Variants in GAS6 observed in about 807,000 individuals in gnomAD.
GAS6 encodes growth arrest-specific protein 6.
Under a neutral mutation model 75.8 loss-of-function variants are expected in GAS6, and 41 were observed. The observed-to-expected ratio is 0.54, with a 90% CI of 0.42 to 0.70. GAS6 has a LOEUF of 0.70. Among genes scored for constraint, GAS6 ranks in the 30% least tolerant of loss-of-function variants. GAS6 has a pLI of 0.00. For missense variants in GAS6, 854 were observed against 940.2 expected, an observed-to-expected ratio of 0.91 and a Z score of 1.20; for synonymous variants, 432 against 412.6, an observed-to-expected ratio of 1.05 and a Z score of -0.57.
intron 4 of GAS6, chr13:113,842,223 A>G (rs1309082952): frequency 1.3e-5 from 2 of 158,590 alleles, no homozygotes; most frequent in Non-Finnish European, 1.2e-5. Flanking sequence ...AGTACACCCC[A>G]CAGTTTCCTC....
At position 113,863,778 on chromosome 13, in the gene GAS6, G is replaced by A. The variant is rs989732810; in HGVS notation, c.89-37C>T. 2.5e-5 allele frequency: 36 copies of A among 1,428,522 alleles called. No individual in the cohort carries two copies. Among genetic ancestry groups the A allele is most frequent in the Non-Finnish European group, 3.1e-5 (34 of 1,101,938 alleles). The allele number at this position is 1,428,522 out of a possible 1,614,324, so 88.5% of individuals were successfully genotyped here. ...GAGAGAGGGGGACGCGTCAAGCCGC[G>A]CCCGGAGCCTCCTCCCGCCGCCCGG... On this transcript the variant is annotated intron_variant, in intron 1 of 14. Transcript: ENST00000327773. The surrounding 1 kb of genome is among the most constrained non-coding windows in gnomAD (Gnocchi z 9.4).
intron 12 of GAS6, among the ~76,000 whole-genome samples, chr13:113,825,569 G>A (rs1005784633): frequency 2.6e-5 from 4 of 152,248 alleles, no homozygotes; most frequent in Admixed American, 6.5e-5. Context: ...AGACGCGGCC[G>A]GCAGTCACTG....
At position 113,821,955 on chromosome 13, in the gene GAS6, T is replaced by C; in HGVS notation, c.1882+3A>G. ...CGGGTTGAGCGGAGCAGGGAGCACC[T>C]ACCTGGCAGGCCGCCAGCAAAGGTG... On this transcript the variant is annotated splice_donor_region_variant and intron_variant, in intron 14 of 14. Coordinates refer to ENST00000327773, the MANE Select transcript of GAS6 (RefSeq NM_000820.4). 6.5e-7 allele frequency: 1 copy of C among 1,527,194 alleles called. No individual in the cohort carries two copies. The allele number at this position is 1,527,194 out of a possible 1,614,324, so 94.6% of individuals were successfully genotyped here.
chr13:113,833,025 A>T (rs901636408), intron 8 of GAS6: 1 of 1,345,140 alleles, frequency 7.4e-7, no homozygotes, highest in Non-Finnish European at 9.6e-7. Context: ...CTTTATTTTT[A>T]AATTATGAAA....
chr13:113,829,440 C>A (rs1488179108), intron 10 of GAS6, among the ~76,000 whole-genome samples: 1 of 149,528 alleles, frequency 6.7e-6, no homozygotes, highest in Non-Finnish European at 1.5e-5. Context: ...TGATCCTCAC[C>A]TGGGCCAAGA....
intron 2 of GAS6, among the ~76,000 whole-genome samples, chr13:113,858,065 T>G (rs1466963373): frequency 6.6e-6 from 1 of 151,854 alleles, no homozygotes; most frequent in Non-Finnish European, 1.5e-5. Context: ...GCTCTGGGAG[T>G]GGAGAGACCC....
At chr13:113,860,775 G>T (rs1011390550) in intron 2 of GAS6, among the ~76,000 whole-genome samples, 11 of 152,208 alleles carry the variant, frequency 7.2e-5, no homozygotes, top group African/African-American at 9.6e-5. Flanking sequence ...CAGCAGAGAG[G>T]GCTGGGGAGG....
At chr13:113,839,509 A>C (rs2051753246) in intron 5 of GAS6, 2 of 563,590 alleles carry the variant, frequency 3.5e-6, no homozygotes, top group Non-Finnish European at 6.1e-6. Flanking sequence ...CTGAGGCATC[A>C]CTTGGTGTTT....
chr13:113,839,641 C>G (rs185588960), intron 5 of GAS6, 87 bp downstream of exon 5: 1 of 1,532,648 alleles, frequency 6.5e-7, no homozygotes, highest in Non-Finnish European at 8.9e-7. Flanking sequence ...TGAGGATGGC[C>G]GTGCCCCGGA....
At position 113,845,797 on chromosome 13, in the gene GAS6, T is replaced by C. The variant is rs986388922; in HGVS notation, c.343+730A>G. 4.0e-5 allele frequency: 6 copies of C among 151,258 alleles called. No homozygotes were observed. The highest frequency in any genetic ancestry group is 3.3e-4 in the Admixed American group (5 of 15,180). The allele number at this position is 151,258 out of a possible 1,614,324, so 9.4% of individuals were successfully genotyped here. On this transcript the variant is annotated intron_variant, in intron 4 of 14. Coordinates refer to ENST00000327773, the MANE Select transcript of GAS6 (RefSeq NM_000820.4). The surrounding 1 kb of genome is among the most constrained non-coding windows in gnomAD (Gnocchi z 4.3). ...CTGATGTCATTTCTCGCCTGTTACA[T>C]TGGAAGAGATCAAAAGTTTAAAAAA...
rs928147205 is a variant in GAS6 at position 113,832,953 on chromosome 13, C to T, written c.835-201G>A. The T allele has an allele frequency of 1.6e-5, 23 of 1,463,518 alleles. No individual in the cohort carries two copies. The East Asian group carries it at 3.6e-4, about 23-fold the overall frequency. The allele number at this position is 1,463,518 out of a possible 1,614,324, so 90.7% of individuals were successfully genotyped here. ...AGGTGAAGGGCGGGCTTGCAGCAGC[C>T]GCTTCCCACAGGGCTTCTCGGGGGT... is the stretch of plus-strand genomic sequence containing the variant. On this transcript the variant is annotated intron_variant, in intron 8 of 14. Transcript: ENST00000327773.
intron 8 of GAS6, 73 bp from the exon 9 acceptor site, chr13:113,832,825 C>T (rs756572112): frequency 1.7e-5 from 27 of 1,603,408 alleles, no homozygotes; most frequent in Non-Finnish European, 1.7e-5. Flanking sequence ...CACGCCCCGG[C>T]CGCGCAGCGG....
intron 5 of GAS6, chr13:113,839,380 C>T (rs909353296): frequency 3.4e-5 from 8 of 235,044 alleles, no homozygotes; most frequent in Non-Finnish European, 6.4e-5. Flanking sequence ...CACTCAAGGA[C>T]GGTCAGAGGT....
chr13:113,839,823 G>C lies in GAS6; in HGVS notation c.371C>G (p.Pro124Arg). The change falls in exon 5 of 15, where the codon CCC (proline) becomes CGC (arginine). Residue 124 changes from proline (P) to arginine (R), a missense_variant. Transcript: ENST00000327773. ...GGCTTGGGTCCCCTTCCTATCGCAG[G>C]GGTTGGGCGTGCACTGGTCAGGCAG... is the stretch of plus-strand genomic sequence containing the variant. ...QNLPDQCTPN[P>R]CDRKGTQACQ... 6.2e-7 allele frequency: 1 copy of C among 1,613,980 alleles called. No individual in the cohort carries two copies. Among genetic ancestry groups the C allele is most frequent in the African/African-American group, 1.3e-5 (1 of 75,046 alleles).
chr13:113,839,894 C>A, intron 4 of GAS6, 44 bp from the exon 5 acceptor site: 1 of 1,612,254 alleles, frequency 6.2e-7, no homozygotes, highest in Admixed American at 1.7e-5. Flanking sequence ...AGCTGCCCCA[C>A]CCCTGCGCGC....
chr13:113,823,191 T>G, intron 13 of GAS6, 184 bp downstream of exon 13: 1 of 603,832 alleles, frequency 1.7e-6, no homozygotes. Flanking sequence ...TGACCTGGTG[T>G]CCAAACAACC....
chr13:113,843,076 T>G (rs569191763), intron 4 of GAS6: 22 of 383,276 alleles, frequency 5.7e-5, no homozygotes, highest in Non-Finnish European at 1.0e-4. Flanking sequence ...CCAGCAAATA[T>G]CTGTGGAATT....
In GAS6 at chr13:113,821,028, A is replaced by G. The variant is rs1360406169; in HGVS notation, c.1883-10T>C. The G allele has an allele frequency of 1.2e-6, 2 of 1,612,014 alleles. No homozygotes were observed. The highest frequency in any genetic ancestry group is 2.2e-5 in the South Asian group (2 of 91,046). Reference sequence around the variant, plus strand: ...GAAGTCACCGGCACATCTGGGCCGCAGGGAGAGAACAACATATCTTAGCTC... The same window carrying G: ...GAAGTCACCGGCACATCTGGGCCGCGGGGAGAGAACAACATATCTTAGCTC... On this transcript the variant is annotated splice_polypyrimidine_tract_variant and intron_variant, in intron 14 of 14. Coordinates refer to ENST00000327773, the MANE Select transcript of GAS6 (RefSeq NM_000820.4).
In GAS6 at chr13:113,822,169, C is replaced by T. The variant is rs2051469528; in HGVS notation, c.1671G>A (p.Val557=). 1 of 1,564,324 alleles carries T rather than the reference C, an allele frequency of 6.4e-7. No individual in the cohort carries two copies. The highest frequency in any genetic ancestry group is 8.7e-7 in the Non-Finnish European group (1 of 1,150,452). The change falls in exon 14 of 15, where the codon GTG becomes GTA. Residue 557 remains valine, a synonymous_variant. Transcript: ENST00000327773. The part of the protein sequence containing the change: ...KLKKQLVVLA[V]EHTALALMEI... ...CCATTAGGGCCAAGGCCGTATGCTC[C>T]ACGGCCAGGACCACCAGCTGCAGGA...
Sources: gnomAD v4.1 joint callset for allele counts (sites outside exome capture counted in the v4.1 genomes callset) on GRCh38, gnomAD v4.1.1 for gene constraint, Gnocchi (gnomAD v3.1) non-coding constraint, MANE v1.5 for transcripts, NCBI Gene and HGNC (gene_info 2026-07-23, HGNC 2026-07-21) for gene names.